The following KANK1 variants were observed in gnomAD, a reference collection of about 807,000 sequenced individuals.
KANK1 encodes the protein KN motif and ankyrin repeat domain-containing protein 1.
In KANK1, 109 loss-of-function variants were observed where a neutral mutation model predicts 106.2. That is an observed-to-expected ratio of 1.03 (90% confidence interval 0.88 to 1.20). The LOEUF is 1.20. Ranked by LOEUF, KANK1 falls within the 50% of genes most tolerant of loss-of-function variation. The probability of loss-of-function intolerance (pLI) is 0.00; values close to 1 mark genes in which losing one functional copy is unlikely to be tolerated. For synonymous variants in KANK1, 873 were observed against 652.2 expected, an observed-to-expected ratio of 1.34 and a Z score of -5.16; for missense variants, 2,399 against 1,710.7, an observed-to-expected ratio of 1.40 and a Z score of -7.10.
chr9:713,462 C>A lies in KANK1; in HGVS notation c.2696C>A (p.Thr899Lys), dbSNP rs774099036. 6.3e-7 allele frequency: 1 copy of A among 1,581,230 alleles called. No individual in the cohort carries two copies. Among genetic ancestry groups the A allele is most frequent in the Non-Finnish European group, 8.6e-7 (1 of 1,165,532 alleles). Residue 899 changes from threonine (T) to lysine (K), a missense_variant and splice_region_variant, in exon 3 of 12, where the codon ACA becomes AAA. Transcript: ENST00000382297. ...DFQKTSLGKITGNYLGYTCKC... is the reference protein window; with the variant it reads ...DFQKTSLGKIKGNYLGYTCKC... ...CAGAAAACCAGTCTGGGTAAAATCA[C>A]AGGTAGGTGGTACCCTGAGGACCTG...
intron 1 of KANK1, among the ~76,000 whole-genome samples, chr9:641,999 C>T (rs1222409916): frequency 6.6e-6 from 1 of 152,188 alleles, no homozygotes; most frequent in Admixed American, 6.5e-5. Context: ...CCAACCACCA[C>T]ACACCCCCCA....
intron 1 of KANK1, among the ~76,000 whole-genome samples, chr9:599,559 G>C (rs1459413913): frequency 1.3e-5 from 2 of 151,652 alleles, no homozygotes; most frequent in African/African-American, 4.9e-5. Flanking sequence ...GTCTTTCTCT[G>C]CTAGTTTACT....
At chr9:716,675 G>A (rs539537369) in intron 3 of KANK1, among the ~76,000 whole-genome samples, 2 of 152,160 alleles carry the variant, frequency 1.3e-5, no homozygotes, top group South Asian at 4.1e-4. Flanking sequence ...TCACTTTTCA[G>A]TATGCAAAAA....
intron 1 of KANK1, chr9:547,434 C>G (rs1461453924): frequency 7.0e-6 from 1 of 142,932 alleles, no homozygotes; most frequent in African/African-American, 2.4e-5. Flanking sequence ...AGAATGAAAA[C>G]GAGCTTGAGT....
At chr9:740,111 T>A (rs985166289) in intron 8 of KANK1, among the ~76,000 whole-genome samples, 10 of 152,162 alleles carry the variant, frequency 6.6e-5, no homozygotes, top group Admixed American at 5.9e-4. Flanking sequence ...TCCGGTCATT[T>A]CAGAGAAAGT....
intron 1 of KANK1, among the ~76,000 whole-genome samples, chr9:512,153 C>T (rs2059057347): frequency 6.6e-6 from 1 of 152,080 alleles, no homozygotes; most frequent in African/African-American, 2.4e-5. Flanking sequence ...AGCATGGTGG[C>T]TCCAGGTAGT....
chr9:744,816 A>C, intron 11 of KANK1: 1 of 1,434,664 alleles, frequency 7.0e-7, no homozygotes, highest in African/African-American at 1.4e-5. Context: ...ACATATGCTC[A>C]CAGCTTCCCA....
chr9:709,401 G>A (rs1169866008), intron 2 of KANK1, among the ~76,000 whole-genome samples: 1 of 152,162 alleles, frequency 6.6e-6, no homozygotes, highest in Non-Finnish European at 1.5e-5. Context: ...ATTTAGAAAG[G>A]CAGCCCAGTC....
chr9:740,384 G>A (rs765545456), intron 8 of KANK1, among the ~76,000 whole-genome samples: 13 of 152,090 alleles, frequency 8.5e-5, no homozygotes, highest in African/African-American at 1.7e-4. Flanking sequence ...CGTTCCATAC[G>A]TAAGCGTTTG....
intron 1 of KANK1, among the ~76,000 whole-genome samples, chr9:647,563 T>C (rs1839952128): frequency 6.6e-6 from 1 of 150,520 alleles, no homozygotes; most frequent in African/African-American, 2.5e-5. Context: ...CCCCACTCTT[T>C]TTTAAGTTTC....
chr9:591,641 T>A (rs1824910778), intron 1 of KANK1, among the ~76,000 whole-genome samples: 1 of 151,658 alleles, frequency 6.6e-6, no homozygotes, highest in Non-Finnish European at 1.5e-5. Context: ...ACACACACAC[T>A]CTTTTGAGCA....
At chr9:625,917 C>T (rs984015059) in intron 1 of KANK1, among the ~76,000 whole-genome samples, 1 of 152,120 alleles carries the variant, frequency 6.6e-6, no homozygotes, top group African/African-American at 2.4e-5. Flanking sequence ...TGATCATTTT[C>T]ATCCTGAGCC....
intron 1 of KANK1, among the ~76,000 whole-genome samples, chr9:526,027 C>A (rs2059775855): frequency 6.6e-6 from 1 of 151,828 alleles, no homozygotes; most frequent in Non-Finnish European, 1.5e-5. Flanking sequence ...TTGAGTTGTG[C>A]ATGCAAACCC....
At chr9:476,378 G>C (rs754168945) in intron 3 of KANK1, among the ~76,000 whole-genome samples, 4 of 151,942 alleles carry the variant, frequency 2.6e-5, no homozygotes, top group Admixed American at 6.6e-5. Context: ...AACATTAGCC[G>C]AGCATGGTGG....
rs771428937 is a variant in KANK1, at chr9:711,143, A to C, written c.377A>C (p.Glu126Ala). 1.1e-5 allele frequency: 18 copies of C among 1,614,044 alleles called. No individual in the cohort carries two copies. Among genetic ancestry groups the C allele is most frequent in the Admixed American group, 1.7e-5 (1 of 59,992 alleles). The change falls in exon 3 of 12, where the codon GAG (glutamate) becomes GCG (alanine). Residue 126 changes from glutamate (E) to alanine (A), a missense_variant. Transcript: ENST00000382297. ...ATCTCAAAGCCACCTCCCCCTCTGGAGACCTCACTCCCTTTTCTTACCATC... is the reference window on the plus strand; with the variant it reads ...ATCTCAAAGCCACCTCCCCCTCTGGCGACCTCACTCCCTTTTCTTACCATC... ...TPISKPPPPL[E>A]TSLPFLTIPE... is the part of the protein sequence containing the mutation.
At chr9:534,970 G>T (rs955814281) in intron 1 of KANK1, among the ~76,000 whole-genome samples, 4 of 152,160 alleles carry the variant, frequency 2.6e-5, no homozygotes, top group African/African-American at 9.7e-5. Flanking sequence ...CCAGACCAGA[G>T]AATTTAAAAT....
intron 3 of KANK1, among the ~76,000 whole-genome samples, chr9:485,434 T>C (rs2058274755): frequency 6.6e-6 from 1 of 152,172 alleles, no homozygotes; most frequent in Admixed American, 6.5e-5. Context: ...CACAAAAAGA[T>C]CTCTTGTGCC....
At chr9:674,743 G>A (rs1281681679) in intron 1 of KANK1, among the ~76,000 whole-genome samples, 3 of 152,056 alleles carry the variant, frequency 2.0e-5, no homozygotes, top group Admixed American at 6.6e-5. Context: ...TCGTTCTGTC[G>A]CCCAGGCTGG....
At chr9:471,267 G>C (rs1197002180) in intron 2 of KANK1, among the ~76,000 whole-genome samples, 1 of 152,198 alleles carries the variant, frequency 6.6e-6, no homozygotes, top group East Asian at 1.9e-4. Flanking sequence ...GAATGTGCAG[G>C]AAGGGACCGA....
Sources: allele counts gnomAD v4.1 joint callset (sites outside exome capture counted in the v4.1 genomes callset), GRCh38; gene constraint gnomAD v4.1.1; transcripts MANE v1.5; gene names NCBI Gene and HGNC (gene_info 2026-07-23, HGNC 2026-07-21).